Variants in RAP1GAP2 observed in about 807,000 individuals in gnomAD.
The protein encoded by RAP1GAP2 is RAP1 GTPase activating protein 2.
Under a neutral mutation model 95.0 loss-of-function variants are expected in RAP1GAP2, and 27 were observed. The ratio of observed to expected loss-of-function variants is 0.28; its 90% CI spans 0.21 to 0.39. The LOEUF is 0.39. RAP1GAP2 is among the 10% of genes least tolerant of loss of function. The pLI is 1.00. For missense variants in RAP1GAP2, 771 were observed against 970.0 expected (o/e 0.79, Z 2.72); for synonymous variants, 373 against 380.9 (o/e 0.98, Z 0.24).
intron 2 of RAP1GAP2, among the ~76,000 whole-genome samples, chr17:2,824,465 G>A (rs908736545): frequency 7.0e-6 from 1 of 142,380 alleles, no homozygotes; most frequent in African/African-American, 2.6e-5. Context: ...AAAAAAGTCC[G>A]GGCATGGTGG....
At chr17:3,010,623 C>A (rs866697013) in intron 17 of RAP1GAP2, among the ~76,000 whole-genome samples, 10 of 152,278 alleles carry the variant, frequency 6.6e-5, no homozygotes, top group African/African-American at 2.2e-4. Flanking sequence ...TCCAGTCCCC[C>A]GCCTCTGGCA....
chr17:2,925,511 C>T (rs902678986), intron 3 of RAP1GAP2, among the ~76,000 whole-genome samples: 6 of 152,080 alleles, frequency 3.9e-5, no homozygotes, highest in Admixed American at 1.3e-4. Flanking sequence ...ACGAGAACAG[C>T]GTGGGGAAAA....
At chr17:2,916,646 G>A (rs1014012574) in intron 3 of RAP1GAP2, among the ~76,000 whole-genome samples, 14 of 152,278 alleles carry the variant, frequency 9.2e-5, no homozygotes, top group African/African-American at 3.1e-4. Context: ...AGGGACGGTG[G>A]CCACCGGGAG....
intron 22 of RAP1GAP2, among the ~76,000 whole-genome samples, chr17:3,028,157 G>T (rs893861080): frequency 1.3e-5 from 2 of 152,052 alleles, no homozygotes; most frequent in Non-Finnish European, 2.9e-5. Context: ...GGGAAGAGTC[G>T]TGTCTGCCTC....
At chr17:3,022,386 A>G (rs949624300) in intron 19 of RAP1GAP2, among the ~76,000 whole-genome samples, 17 of 152,250 alleles carry the variant, frequency 1.1e-4, no homozygotes, top group African/African-American at 3.6e-4. Flanking sequence ...TAGAGTTACC[A>G]TATTACCAAG....
At chr17:2,966,257 G>C (rs1189922013) in intron 8 of RAP1GAP2, among the ~76,000 whole-genome samples, 3 of 152,248 alleles carry the variant, frequency 2.0e-5, no homozygotes, top group Non-Finnish European at 4.4e-5. Context: ...AGGTGTTAGA[G>C]ATACCATGAT....
At chr17:3,014,384 A>G (rs962737726) in intron 17 of RAP1GAP2, among the ~76,000 whole-genome samples, 1 of 152,222 alleles carries the variant, frequency 6.6e-6, no homozygotes, top group Non-Finnish European at 1.5e-5. Context: ...ATATAGTATT[A>G]GAATCTTAAT....
chr17:2,869,631 A>T (rs2072761775), intron 2 of RAP1GAP2, among the ~76,000 whole-genome samples: 1 of 152,110 alleles, frequency 6.6e-6, no homozygotes, highest in Non-Finnish European at 1.5e-5. Flanking sequence ...CCAACAGCCC[A>T]CGTTCTGAAG....
intron 3 of RAP1GAP2, among the ~76,000 whole-genome samples, chr17:2,942,961 G>T (rs902958829): frequency 6.6e-6 from 1 of 151,904 alleles, no homozygotes; most frequent in Non-Finnish European, 1.5e-5. Flanking sequence ...TAGAGATGGG[G>T]TTTCACCATG....
At chr17:2,881,089 C>T (rs1362268402) in intron 2 of RAP1GAP2, among the ~76,000 whole-genome samples, 1 of 151,920 alleles carries the variant, frequency 6.6e-6, no homozygotes, top group Non-Finnish European at 1.5e-5. Context: ...GGTGAAGCCC[C>T]ATCTCTACTA....
intron 2 of RAP1GAP2, among the ~76,000 whole-genome samples, chr17:2,771,617 G>A (rs976641020): frequency 5.3e-5 from 8 of 150,220 alleles, no homozygotes; most frequent in African/African-American, 9.8e-5. Context: ...AGCCTCCCGC[G>A]TAGCTGGGAT....
chr17:3,006,119 T>TC, intron 16 of RAP1GAP2, 78 bp downstream of exon 16: 1 of 517,706 alleles, frequency 1.9e-6, no homozygotes, highest in East Asian at 4.5e-5. Flanking sequence ...GGCTCCTCCA[T>TC]CTTTTTTTTT....
At chr17:2,898,017 C>T (rs2041897368) in intron 2 of RAP1GAP2, among the ~76,000 whole-genome samples, 1 of 151,506 alleles carries the variant, frequency 6.6e-6, no homozygotes, top group African/African-American at 2.4e-5. Context: ...ATCTCCTAGG[C>T]TCAAGTGATC....
chr17:2,770,062 GAC>G (rs2068357724), intron 1 of RAP1GAP2, among the ~76,000 whole-genome samples: 1 of 127,544 alleles, frequency 7.8e-6, no homozygotes, highest in South Asian at 2.7e-4. Context: ...AACAGAGAGA[GAC>G]TCGGTCTCAA....
intron 17 of RAP1GAP2, among the ~76,000 whole-genome samples, chr17:3,012,516 G>A (rs2046585037): frequency 6.7e-6 from 1 of 149,806 alleles, no homozygotes; most frequent in Non-Finnish European, 1.5e-5. Flanking sequence ...TACTTGGGAG[G>A]CTGGGGCAGG....
intron 2 of RAP1GAP2, among the ~76,000 whole-genome samples, chr17:2,819,356 G>T (rs1038118223): frequency 1.5e-5 from 2 of 137,840 alleles, no homozygotes; most frequent in African/African-American, 2.7e-5. Context: ...ACTGAGTCTT[G>T]CTCTGCTGGA....
chr17:2,983,310 C>T (rs1325124888), intron 10 of RAP1GAP2, among the ~76,000 whole-genome samples: 4 of 151,996 alleles, frequency 2.6e-5, no homozygotes, highest in Admixed American at 6.6e-5. Context: ...AAGTGTGCCA[C>T]GGTAATTGAC....
Position 2,800,625 on chromosome 17 carries a change from G to A in RAP1GAP2, c.80+75G>A. The A allele has an allele frequency of 2.7e-6, 4 of 1,484,492 alleles. 1 individual carries two copies. The highest frequency in any genetic ancestry group is 3.7e-6 in the Non-Finnish European group (4 of 1,081,126). 92.0% of individuals were successfully genotyped at this position (1,484,492 alleles called of 1,614,324 possible). ...AGCGCCGGGCCCTTGCTCCCCCCAG[G>A]TTGTGGGAGACACAAGAGGGGCTGT... On this transcript the variant is annotated intron_variant, in intron 2 of 24. Coordinates refer to ENST00000254695, the MANE Select transcript of RAP1GAP2 (RefSeq NM_015085.5).
chr17:2,804,246 C>A (rs2069419087), intron 2 of RAP1GAP2, among the ~76,000 whole-genome samples: 1 of 152,188 alleles, frequency 6.6e-6, no homozygotes, highest in African/African-American at 2.4e-5. Context: ...TCCCTGAGGC[C>A]TGCAGCTCTG....
Sources: gnomAD v4.1 joint callset for allele counts (sites outside exome capture counted in the v4.1 genomes callset) on GRCh38, gnomAD v4.1.1 for gene constraint, MANE v1.5 for transcripts, NCBI Gene and HGNC (gene_info 2026-07-23, HGNC 2026-07-21) for gene names.